Variants in PCDHGA3 observed in about 807,000 individuals in gnomAD.
PCDHGA3 encodes protocadherin gamma subfamily A, 3.
PCDHGA3 carries 40 observed loss-of-function variants against 58.5 expected under a neutral mutation model. That is an observed-to-expected ratio of 0.68 (90% confidence interval 0.53 to 0.89). PCDHGA3 has a LOEUF of 0.89. PCDHGA3 is among the 40% of genes least tolerant of loss of function. The pLI is 0.00. For missense variants in PCDHGA3, 1,223 were observed against 1,195.9 expected (o/e 1.02, Z -0.33); for synonymous variants, 530 against 525.7 (o/e 1.01, Z -0.11).
chr5:141,414,222 A>G lies in PCDHGA3; in HGVS notation c.2424+67765A>G, dbSNP rs1038407271. 3.7e-6 allele frequency: 6 copies of G among 1,613,316 alleles called. No individual in the cohort carries two copies. The African/African-American group carries it at 5.3e-5, about 14-fold the overall frequency. On this transcript the variant is annotated intron_variant, in intron 1 of 3. Coordinates refer to ENST00000253812, the MANE Select transcript of PCDHGA3 (RefSeq NM_018916.4). ...TAGAAGATGTAAATGACAACAGTCC[A>G]GAGCTGACCATCACGTCTCTATTTA...
chr5:141,444,965 A>C (rs561160996), intron 1 of PCDHGA3, among the ~76,000 whole-genome samples: 18 of 152,234 alleles, frequency 1.2e-4, no homozygotes, highest in South Asian at 6.2e-4. Context: ...CAATATTGAC[A>C]CTTCAAATCC....
At chr5:141,437,983 A>C (rs544812394) in intron 1 of PCDHGA3, among the ~76,000 whole-genome samples, 1 of 152,056 alleles carries the variant, frequency 6.6e-6, no homozygotes, top group Admixed American at 6.5e-5. Context: ...GGATGCACCC[A>C]CCCCACCTCA....
At chr5:141,422,871 G>C in intron 1 of PCDHGA3, 3 of 1,614,216 alleles carry the variant, frequency 1.9e-6, no homozygotes, top group South Asian at 1.1e-5. Flanking sequence ...GCAACGTGTC[G>C]CTGAGCCTGT....
intron 1 of PCDHGA3, chr5:141,422,118 ACAAACTGGAGAAGTT>A (rs1243312753): frequency 6.2e-7 from 1 of 1,604,312 alleles, no homozygotes; most frequent in Non-Finnish European, 8.5e-7. Flanking sequence ...AATTGGATTC[ACAAACTGGAGAAGTT>A]CAAGTACGGG....
At chr5:141,443,059 A>G (rs148799842) in intron 1 of PCDHGA3, among the ~76,000 whole-genome samples, 145 of 152,348 alleles carry the variant, frequency 9.5e-4, no homozygotes, top group African/African-American at 3.3e-3. Context: ...GTTCCACTGA[A>G]GAGCGTCTTA....
At chr5:141,488,660 G>A (rs1274725688) in intron 1 of PCDHGA3, among the ~76,000 whole-genome samples, 1 of 152,148 alleles carries the variant, frequency 6.6e-6, no homozygotes, top group East Asian at 1.9e-4. Flanking sequence ...GGGAGGGTGG[G>A]GGAATACATG....
rs561219923 is a variant in PCDHGA3, at chr5:141,357,076, G to T, written c.2424+10619G>T. 18 of 1,613,958 alleles carry T rather than the reference G, an allele frequency of 1.1e-5. No homozygotes were observed. In the East Asian group the frequency reaches 3.6e-4, roughly 32 times the overall value. On this transcript the variant is annotated intron_variant, in intron 1 of 3. Transcript: ENST00000253812. ...TGCAGTGGGGCTGCACACAGGCGAGGTGCGCACCGCACGGGCCCTGCTGGA... is the reference window on the plus strand; with the variant it reads ...TGCAGTGGGGCTGCACACAGGCGAGTTGCGCACCGCACGGGCCCTGCTGGA...
intron 1 of PCDHGA3, chr5:141,373,862 A>G (rs1168900381): frequency 6.5e-6 from 3 of 464,904 alleles, no homozygotes; most frequent in Non-Finnish European, 1.1e-5. Flanking sequence ...GCTGTTGACC[A>G]ACCTGGGCAA....
intron 1 of PCDHGA3, chr5:141,421,202 C>A: frequency 1.3e-6 from 2 of 1,519,344 alleles, no homozygotes; most frequent in Non-Finnish European, 1.8e-6. Flanking sequence ...CTCGAGAAAC[C>A]GCGGAATATC....
chr5:141,395,463 C>A, intron 1 of PCDHGA3: 1 of 582,522 alleles, frequency 1.7e-6, no homozygotes, highest in Non-Finnish European at 2.9e-6. Flanking sequence ...CCATTTTAAG[C>A]CTTCCAGTAT....
intron 1 of PCDHGA3, among the ~76,000 whole-genome samples, chr5:141,467,571 A>T (rs1228156610): frequency 6.6e-6 from 1 of 152,212 alleles, no homozygotes; most frequent in African/African-American, 2.4e-5. Context: ...ATGGCTATCC[A>T]GTTGTCCCAA....
In PCDHGA3 at chr5:141,476,208, C is replaced by A. The variant is rs1266601125; in HGVS notation, c.2425-18599C>A. 1.2e-6 allele frequency: 2 copies of A among 1,613,912 alleles called. No homozygotes were observed. Among genetic ancestry groups the A allele is most frequent in the East Asian group, 4.5e-5 (2 of 44,826 alleles). On this transcript the variant is annotated intron_variant, in intron 1 of 3. Coordinates refer to ENST00000253812, the MANE Select transcript of PCDHGA3 (RefSeq NM_018916.4). The surrounding 1 kb of genome is among the most constrained non-coding windows in gnomAD (Gnocchi z 7.6). ...CTTGGTGCCTTGAACAAGGCTTCCA[C>A]GGTCATTCACTATGAGATCCCGGAG...
At position 141,431,433 on chromosome 5, in the gene PCDHGA3, C is replaced by T; in HGVS notation, c.2425-63374C>T. ...GGGGGCGACCCGGTGCGCACAGGCA[C>T]CGCGCGCATCCGCGTGATGGTTCTG... On this transcript the variant is annotated intron_variant, in intron 1 of 3. Transcript: ENST00000253812. This position sits in a 1 kb window ranked among gnomAD's most constrained non-coding sequence, Gnocchi z 4.8. 1.9e-6 allele frequency: 3 copies of T among 1,613,716 alleles called. No homozygotes were observed. The highest frequency in any genetic ancestry group is 2.5e-6 in the Non-Finnish European group (3 of 1,180,028).
intron 2 of PCDHGA3, among the ~76,000 whole-genome samples, chr5:141,505,026 G>A (rs190826538): frequency 4.6e-5 from 7 of 152,316 alleles, no homozygotes; most frequent in African/African-American, 1.7e-4. Context: ...GCCTGGCACA[G>A]TGGCAGGTGC....
intron 1 of PCDHGA3, chr5:141,407,873 A>G (rs561323423): frequency 2.0e-5 from 7 of 354,686 alleles, no homozygotes; most frequent in African/African-American, 1.3e-4. Context: ...CGAAGAATAT[A>G]TACATTTCGG....
chr5:141,501,290 T>TACACACAC (rs55762287), intron 2 of PCDHGA3, among the ~76,000 whole-genome samples: 94 of 136,244 alleles, frequency 6.9e-4, no homozygotes, highest in Admixed American at 2.2e-3. Context: ...TATTCCCTTA[T>TACACACAC]ACACACACAC....
chr5:141,418,439 T>C (rs1284999606), intron 1 of PCDHGA3: 1 of 1,613,812 alleles, frequency 6.2e-7, no homozygotes, highest in Non-Finnish European at 8.5e-7. Flanking sequence ...ATATCCAGAA[T>C]TAGTATTGCA....
rs762068366 is a variant in PCDHGA3 at position 141,360,850 on chromosome 5, C to G, written c.2424+14393C>G. On this transcript the variant is annotated intron_variant, in intron 1 of 3. Coordinates refer to ENST00000253812, the MANE Select transcript of PCDHGA3 (RefSeq NM_018916.4). Reference sequence around the variant, plus strand: ...CAAAGTCACGGATGCCAACGATAACCCTCCAGTGTTCAGCCAGGACGTGTA... The same window carrying G: ...CAAAGTCACGGATGCCAACGATAACGCTCCAGTGTTCAGCCAGGACGTGTA... 16 of 1,613,984 alleles carry G rather than the reference C, an allele frequency of 9.9e-6. No individual in the cohort carries two copies. The African/African-American group carries it at 2.1e-4, about 22-fold the overall frequency.
At chr5:141,361,247 CGAGAGACAGAGACTCTG>C in intron 1 of PCDHGA3, 4 of 1,613,946 alleles carry the variant, frequency 2.5e-6, no homozygotes, top group Non-Finnish European at 3.4e-6. Context: ...TTGATAAAAA[CGAGAGACAGAGACTCTG>C]GAGAAAATGG....
Sources: gnomAD v4.1 joint callset for allele counts (sites outside exome capture counted in the v4.1 genomes callset) on GRCh38, gnomAD v4.1.1 for gene constraint, Gnocchi (gnomAD v3.1) non-coding constraint, MANE v1.5 for transcripts, NCBI Gene and HGNC (gene_info 2026-07-23, HGNC 2026-07-21) for gene names.